Variants in MRAP observed in about 807,000 individuals in gnomAD.
MRAP encodes melanocortin-2 receptor accessory protein.
In MRAP, 8 loss-of-function variants were observed where a neutral mutation model predicts 8.7. The observed-to-expected ratio is 0.92, with a 90% CI of 0.54 to 1.66. The LOEUF (loss-of-function observed/expected upper bound fraction) is 1.66. Among genes scored for constraint, MRAP ranks in the 40% most tolerant of loss-of-function variants. The pLI, the probability that MRAP is intolerant of heterozygous loss-of-function variation, is 0.00. For synonymous variants in MRAP, 95 were observed against 95.5 expected, an observed-to-expected ratio of 1.00 and a Z score of 0.03; for missense variants, 237 against 217.1, an observed-to-expected ratio of 1.09 and a Z score of -0.58.
Position 32,306,956 on chromosome 21 carries a change from A to G in MRAP, c.206+217A>G, listed in dbSNP as rs2032435573. The G allele has an allele frequency of 3.3e-5, 20 of 602,870 alleles. No individual in the cohort carries two copies. The South Asian group carries it at 3.4e-4, about 10-fold the overall frequency. 37.3% of individuals were successfully genotyped at this position (602,870 alleles called of 1,614,324 possible). Reference sequence around the variant, plus strand: ...TCCTTTGAGCCTCATGTCAGTGCTCAGTATGTTGCAGATTTTGCAGCGTTT... The same window carrying G: ...TCCTTTGAGCCTCATGTCAGTGCTCGGTATGTTGCAGATTTTGCAGCGTTT... On this transcript the variant is annotated intron_variant, in intron 2 of 2. Transcript: ENST00000303645.
intron 2 of MRAP, among the ~76,000 whole-genome samples, chr21:32,307,592 A>G (rs1601106310): frequency 6.6e-6 from 1 of 151,966 alleles, no homozygotes; most frequent in South Asian, 2.1e-4. Context: ...AAAAAAAAAA[A>G]AAGAAGTTCT....
In MRAP at chr21:32,311,901, C is replaced by G. The variant is rs369795618; in HGVS notation, c.424C>G (p.Leu142Val). The G allele has an allele frequency of 1.5e-5, 24 of 1,613,992 alleles. No homozygotes were observed. The East Asian group carries it at 3.6e-4, about 24-fold the overall frequency. ...PLGGFQTHPT[L>V]LWELTLNGGP... ...CGGGGGTTTCCAGACCCACCCCACT[C>G]TCCTCTGGGAACTGACCCTCAATGG... Residue 142 changes from leucine to valine, a missense_variant, in exon 3 of 3, where the codon CTC (leucine) becomes GTC (valine). Leu to Val is a conservative substitution (Grantham distance 32). Transcript: ENST00000303645.
chr21:32,294,577 T>G (rs1601092611), upstream of MRAP, among the ~76,000 whole-genome samples: 1 of 152,246 alleles, frequency 6.6e-6, no homozygotes, highest in East Asian at 1.9e-4. Context: ...TTGATGTATA[T>G]ACTCTTGGTA....
chr21:32,300,657 TCA>T (rs1221505668), intron 1 of MRAP, among the ~76,000 whole-genome samples: 11 of 151,124 alleles, frequency 7.3e-5, no homozygotes, highest in Non-Finnish European at 1.3e-4. Flanking sequence ...GCCGGGGGCG[TCA>T]CACGTCCTAT....
At chr21:32,297,961 T>TAC (rs1043980492), upstream of MRAP, among the ~76,000 whole-genome samples, 3 of 152,190 alleles carry the variant, frequency 2.0e-5, no homozygotes, top group South Asian at 2.1e-4. Flanking sequence ...TACCCAGGTT[T>TAC]ACTCTGATAC....
intron 2 of MRAP, 184 bp downstream of exon 2, chr21:32,306,923 C>T (rs764497464): frequency 2.6e-5 from 17 of 660,920 alleles, no homozygotes; most frequent in African/African-American, 8.9e-5. Context: ...AATATTCCAG[C>T]GAGCATTTCC....
chr21:32,300,945 C>T (rs1425059281), intron 1 of MRAP, among the ~76,000 whole-genome samples: 1 of 149,702 alleles, frequency 6.7e-6, no homozygotes, highest in Non-Finnish European at 1.5e-5. Flanking sequence ...TATGTCATAT[C>T]AATGATATAT....
Position 32,305,821 on chromosome 21 carries a change from TC to T in MRAP, c.107-818del, listed in dbSNP as rs536917381. Among the ~76,000 whole-genome samples the T allele has an allele frequency of 1.1e-3, 172 of 151,298 alleles. 1 individual carries two copies. Among genetic ancestry groups the T allele is most frequent in the Admixed American group, 1.4e-3 (22 of 15,206 alleles). ...CACAGACAACCACCAAGAAAAACTGTCGTGCTAGAAAGTAGTTCCATAGCAA... is the reference window on the plus strand; with the variant it reads ...CACAGACAACCACCAAGAAAAACTGTGTGCTAGAAAGTAGTTCCATAGCAA... On this transcript the variant is annotated intron_variant, in intron 1 of 2. Coordinates refer to ENST00000303645, the MANE Select transcript of MRAP (RefSeq NM_001379228.1).
downstream of MRAP, chr21:32,312,898 G>A (rs372840045): frequency 2.6e-5 from 4 of 152,152 alleles, no homozygotes; most frequent in Non-Finnish European, 4.4e-5. Context: ...TAAGTCAGGT[G>A]AAGACCATGT....
At chr21:32,303,623 T>C (rs1170737759) in intron 1 of MRAP, among the ~76,000 whole-genome samples, 2 of 151,964 alleles carry the variant, frequency 1.3e-5, no homozygotes, top group African/African-American at 4.8e-5. Context: ...GAAGGGAGGA[T>C]AGGAGAGAGG....
chr21:32,299,337 ATTTT>A (rs2032205203), intron 1 of MRAP, among the ~76,000 whole-genome samples: 1 of 151,996 alleles, frequency 6.6e-6, no homozygotes, highest in Non-Finnish European at 1.5e-5. Flanking sequence ...TTTTTACTTT[ATTTT>A]ATTTTATTTT....
chr21:32,308,097 G>C (rs1279534166), intron 2 of MRAP, among the ~76,000 whole-genome samples: 2 of 152,188 alleles, frequency 1.3e-5, no homozygotes, highest in African/African-American at 4.8e-5. Context: ...CTTTGGCCAG[G>C]TGTGGGGGCT....
In MRAP at chr21:32,305,553, C is replaced by T. The variant is rs550728309; in HGVS notation, c.107-1087C>T. ...GAGGAGGAGGAGGTTGGGGGTGGAA[C>T]ATTGTGGGTGAATGAGGGGAGTTAG... On this transcript the variant is annotated intron_variant, in intron 1 of 2. Coordinates refer to ENST00000303645, the MANE Select transcript of MRAP (RefSeq NM_001379228.1). 9.1e-4 allele frequency among the ~76,000 whole-genome samples: 138 copies of T among 152,308 alleles called. No individual in the cohort carries two copies. In the Middle Eastern group the frequency reaches 0.017, roughly 19 times the overall value.
upstream of MRAP, chr21:32,298,785 A>T: frequency 1.7e-6 from 1 of 579,954 alleles, no homozygotes; most frequent in South Asian, 1.8e-5. Flanking sequence ...GCGTTGTGAG[A>T]CACACCCCCC....
chr21:32,300,212 T>A (rs993358050), intron 1 of MRAP, among the ~76,000 whole-genome samples: 1 of 152,128 alleles, frequency 6.6e-6, no homozygotes, highest in Non-Finnish European at 1.5e-5. Context: ...CACAGTGAGA[T>A]CCCATCTCCA....
At chr21:32,301,615 A>T (rs1425765517) in intron 1 of MRAP, among the ~76,000 whole-genome samples, 10 of 152,198 alleles carry the variant, frequency 6.6e-5, no homozygotes, top group Admixed American at 6.5e-4. Context: ...AGCAATACAG[A>T]TTATTCTAAC....
intron 1 of MRAP, among the ~76,000 whole-genome samples, chr21:32,292,434 C>T (rs776430221): frequency 6.6e-6 from 1 of 152,018 alleles, no homozygotes; most frequent in Non-Finnish European, 1.5e-5. Context: ...TGATATACAC[C>T]TATGTTTGTT....
intron 2 of MRAP, among the ~76,000 whole-genome samples, chr21:32,307,576 C>CA (rs1175455972): frequency 0.017 from 1,041 of 59,984 alleles, 4 homozygotes; most frequent in Middle Eastern, 0.098. Flanking sequence ...GACTCCGTCT[C>CA]AAAAAAAAAA....
rs1298069895 is a variant in MRAP, at chr21:32,306,712, T to C, written c.179T>C (p.Met60Thr). 8.7e-6 allele frequency: 14 copies of C among 1,614,030 alleles called. 1 individual carries two copies. Among genetic ancestry groups the C allele is most frequent in the Admixed American group, 3.3e-5 (2 of 60,000 alleles). ...VVLLFLILLYMSWSASPQMRN... is the reference protein window; with the variant it reads ...VVLLFLILLYTSWSASPQMRN... ...CTGCTCTTCCTCATCTTGCTCTACATGTCCTGGTCCGCCTCCCCGCAGATG... is the reference window on the plus strand; with the variant it reads ...CTGCTCTTCCTCATCTTGCTCTACACGTCCTGGTCCGCCTCCCCGCAGATG... The change falls in exon 2 of 3, where the codon ATG becomes ACG. Residue 60 changes from methionine (M) to threonine (T), a missense_variant. Coordinates refer to ENST00000303645, the MANE Select transcript of MRAP (RefSeq NM_001379228.1).
Sources: gnomAD v4.1 joint callset for allele counts (sites outside exome capture counted in the v4.1 genomes callset) on GRCh38, gnomAD v4.1.1 for gene constraint, MANE v1.5 for transcripts, NCBI Gene and HGNC (gene_info 2026-07-23, HGNC 2026-07-21) for gene names.